MACF1: variants seen among roughly 807,000 people sequenced by gnomAD.
MACF1 encodes the protein microtubule actin crosslinking factor 1.
In MACF1, 193 loss-of-function variants were observed where a neutral mutation model predicts 854.8. The ratio of observed to expected loss-of-function variants is 0.23; its 90% CI spans 0.20 to 0.25. The LOEUF is 0.25. Among genes scored for constraint, MACF1 ranks in the 10% least tolerant of loss-of-function variants. MACF1 has a pLI of 1.00. For missense variants in MACF1, 7,722 were observed against 8,929.1 expected (o/e 0.86, Z 5.45); for synonymous variants, 3,185 against 3,226.7 (o/e 0.99, Z 0.44).
At chr1:39,342,231 G>A (rs1217158442) in intron 40 of MACF1, among the ~76,000 whole-genome samples, 3 of 152,114 alleles carry the variant, frequency 2.0e-5, no homozygotes, top group Admixed American at 6.5e-5. Context: ...ATATGATCTC[G>A]TTCTTTCTTA....
chr1:39,140,914 CAAAAAAA>C (rs34687844), intron 2 of MACF1, among the ~76,000 whole-genome samples: 1 of 48,288 alleles, frequency 2.1e-5, no homozygotes, highest in Non-Finnish European at 3.4e-5. Flanking sequence ...GACTCTGTCT[CAAAAAAA>C]AAAAAAAAAA....
At chr1:39,314,031 T>C (rs1477525971) in intron 26 of MACF1, among the ~76,000 whole-genome samples, 2 of 152,242 alleles carry the variant, frequency 1.3e-5, no homozygotes, top group Non-Finnish European at 2.9e-5. Flanking sequence ...GCAGAGAATA[T>C]TATTTAGAAA....
intron 2 of MACF1, among the ~76,000 whole-genome samples, chr1:39,165,249 A>G (rs1477538290): frequency 6.6e-6 from 1 of 152,160 alleles, no homozygotes; most frequent in African/African-American, 2.4e-5. Context: ...AGCTGTCATA[A>G]AAGGGCGATT....
intron 1 of MACF1, among the ~76,000 whole-genome samples, chr1:39,224,150 A>G (rs976118894): frequency 3.3e-5 from 5 of 152,160 alleles, no homozygotes; most frequent in African/African-American, 1.2e-4. Context: ...AGCTATTTTT[A>G]ATTTTTATTG....
At chr1:39,453,635 C>T (rs753107763) in intron 87 of MACF1, 72 bp from the exon 88 acceptor site, 1 of 1,311,268 alleles carries the variant, frequency 7.6e-7, no homozygotes, top group Non-Finnish European at 1.1e-6. Flanking sequence ...AATTTATCCC[C>T]CCTCAGTGTA....
At chr1:39,340,440 C>T in intron 38 of MACF1, 62 bp from the exon 39 acceptor site, 1 of 1,224,708 alleles carries the variant, frequency 8.2e-7, no homozygotes, top group East Asian at 2.3e-5. Flanking sequence ...AATGTGTTCA[C>T]AGCTGATTCC....
intron 2 of MACF1, among the ~76,000 whole-genome samples, chr1:39,246,670 G>A (rs1267427335): frequency 3.3e-5 from 5 of 151,800 alleles, no homozygotes; most frequent in Admixed American, 3.3e-4. Flanking sequence ...GACCACACCC[G>A]GCTAATTTTT....
In MACF1 at chr1:39,164,583, C is replaced by T. The variant is rs1273231943; in HGVS notation, c.221-66599C>T. On this transcript the variant is annotated intron_variant, in intron 2 of 93. Coordinates refer to the MACF1 transcript ENST00000361689. ...ACAGCAACTCTAGGCATTTAAATAGCTTCATTGATCCTTCCAACCCTAGTA... is the reference window on the plus strand; with the variant it reads ...ACAGCAACTCTAGGCATTTAAATAGTTTCATTGATCCTTCCAACCCTAGTA... Among the ~76,000 whole-genome samples, 4 of 152,224 alleles carry T rather than the reference C, an allele frequency of 2.6e-5. No homozygotes were observed. The East Asian group carries it at 7.7e-4, about 29-fold the overall frequency.
chr1:39,393,196 A>AAAAAAAAAAT (rs57576149), intron 58 of MACF1, among the ~76,000 whole-genome samples: 7 of 66,566 alleles, frequency 1.1e-4, no homozygotes, highest in African/African-American at 5.9e-4. Flanking sequence ...AAAAAAAAAA[A>AAAAAAAAAAT]ATATATATAT....
At chr1:39,316,567 A>C in intron 28 of MACF1, 38 bp downstream of exon 28, 1 of 1,588,508 alleles carries the variant, frequency 6.3e-7, no homozygotes, top group Non-Finnish European at 8.6e-7. Flanking sequence ...TTGACCTAAC[A>C]TATTCATTGC....
At chr1:39,418,770 A>G (rs1160902563) in intron 58 of MACF1, among the ~76,000 whole-genome samples, 3 of 152,070 alleles carry the variant, frequency 2.0e-5, no homozygotes, top group Non-Finnish European at 4.4e-5. Flanking sequence ...GACTGAGGTG[A>G]GAGAATCACT....
chr1:39,441,325 G>A lies in MACF1; in HGVS notation c.18672G>A (p.Gln6224=). 1 of 1,612,520 alleles carries A rather than the reference G, an allele frequency of 6.2e-7. No homozygotes were observed. The highest frequency in any genetic ancestry group is 8.5e-7 in the Non-Finnish European group (1 of 1,178,748). Residue 6224 remains glutamine, a splice_region_variant and synonymous_variant, in exon 74 of 101, where the codon CAG becomes CAA. Transcript: ENST00000564288. ...CTGTGCAGTATCAGGACACTCTTCAGGTGAGAGGCCAGGAGGTGACCACCA... is the reference window on the plus strand; with the variant it reads ...CTGTGCAGTATCAGGACACTCTTCAAGTGAGAGGCCAGGAGGTGACCACCA... ...QAAVQYQDTL[Q]AMFDWLDNTV...
chr1:39,436,050 T>C (rs147465303), intron 70 of MACF1: 5 of 420,564 alleles, frequency 1.2e-5, no homozygotes, highest in African/African-American at 4.1e-5. Context: ...TTTGGATAAA[T>C]TTACCTTGCA....
chr1:39,483,866 T>C (rs997319270), intron 99 of MACF1, among the ~76,000 whole-genome samples: 5 of 152,114 alleles, frequency 3.3e-5, no homozygotes, highest in Non-Finnish European at 7.4e-5. Context: ...TGTTAAGAGA[T>C]TGGGGCCAGG....
At chr1:39,444,191 C>T (rs370108372) in intron 79 of MACF1, among the ~76,000 whole-genome samples, 16 of 151,906 alleles carry the variant, frequency 1.1e-4, no homozygotes, top group East Asian at 1.9e-4. Flanking sequence ...AAAAATTAGC[C>T]GGGCGTGGTG....
chr1:39,295,091 C>T lies in MACF1; in HGVS notation c.2200C>T (p.Leu734=), dbSNP rs1220632370. ...GGAGAAACAGGATGTGTTTCGTTCT[C>T]TACAAGATACAGCAGAACTACTTTC... The part of the protein sequence containing the change: ...LEEKQDVFRS[L]QDTAELLSLE... Residue 734 remains leucine, a synonymous_variant, in exon 19 of 101, where the codon CTA becomes TTA. Coordinates refer to ENST00000564288, the MANE Select transcript of MACF1 (RefSeq NM_001394062.1). 2 of 1,613,936 alleles carry T rather than the reference C, an allele frequency of 1.2e-6. No individual in the cohort carries two copies. The highest frequency in any genetic ancestry group is 2.2e-5 in the South Asian group (2 of 91,072).
At chr1:39,453,114 A>G (rs1557662939) in intron 87 of MACF1, among the ~76,000 whole-genome samples, 2 of 152,164 alleles carry the variant, frequency 1.3e-5, no homozygotes, top group Non-Finnish European at 2.9e-5. Flanking sequence ...TCACCTGCAT[A>G]CGCCTTTGTT....
At chr1:39,314,949 T>C (rs1646382527) in intron 26 of MACF1, among the ~76,000 whole-genome samples, 1 of 152,240 alleles carries the variant, frequency 6.6e-6, no homozygotes, top group African/African-American at 2.4e-5. Flanking sequence ...TTATGTTATT[T>C]ATCTGAAATA....
chr1:39,445,398 G>C (rs1181370950), intron 80 of MACF1, among the ~76,000 whole-genome samples: 1 of 152,140 alleles, frequency 6.6e-6, no homozygotes, highest in South Asian at 2.1e-4. Flanking sequence ...ATTTTTTGCT[G>C]CTCAGATCAA....
Sources: allele counts gnomAD v4.1 joint callset (sites outside exome capture counted in the v4.1 genomes callset), GRCh38; gene constraint gnomAD v4.1.1; transcripts MANE v1.5; gene names NCBI Gene and HGNC (gene_info 2026-07-23, HGNC 2026-07-21).